Variants in GTSF1L observed in about 807,000 individuals in gnomAD.
The protein encoded by GTSF1L is gametocyte-specific factor 1-like.
GTSF1L carries 1 observed loss-of-function variant against 1.1 expected under a neutral mutation model. That is an observed-to-expected ratio of 0.90 (90% CI 0.32 to 4.28). The LOEUF (loss-of-function observed/expected upper bound fraction) is 4.28. GTSF1L is among the 30% of genes most tolerant of loss of function. The pLI, the probability that GTSF1L is intolerant of heterozygous loss-of-function variation, is 0.17. For synonymous variants in GTSF1L, 62 were observed against 69.3 expected (o/e 0.89, Z 0.53); for missense variants, 169 against 181.9 (o/e 0.93, Z 0.41).
At position 43,726,770 on chromosome 20, in the gene GTSF1L, G is replaced by C. The variant is rs562304082; in HGVS notation, c.-76C>G. ...TTCTTGTGGAGAAGCCCTTTTGTAA[G>C]AAGGATGGAGTTGTCCTCTGCCCAG... On this transcript the variant is annotated 5_prime_UTR_variant, in exon 1 of 1. Coordinates refer to ENST00000373003, the MANE Select transcript of GTSF1L (RefSeq NM_176791.4). The C allele has an allele frequency of 2.5e-5, 29 of 1,144,068 alleles. No homozygotes were observed. Among genetic ancestry groups the C allele is most frequent in the Admixed American group, 1.6e-4 (7 of 43,326 alleles). 70.9% of individuals were successfully genotyped at this position (1,144,068 alleles called of 1,614,324 possible).
chr20:43,726,266 G>T lies in GTSF1L; in HGVS notation c.429C>A (p.Ile143=), dbSNP rs1212489625. 1 of 1,612,086 alleles carries T rather than the reference G, an allele frequency of 6.2e-7. No individual in the cohort carries two copies. Among genetic ancestry groups the T allele is most frequent in the Non-Finnish European group, 8.5e-7 (1 of 1,178,636 alleles). ...ESARETSPQK[I]LRPGQ Reference sequence around the variant, plus strand: ...TGGCAGTTTACTGTCCTGGTCTGAGGATCTTCTGGGGACTGGTCTCTCTTG... The same window carrying T: ...TGGCAGTTTACTGTCCTGGTCTGAGTATCTTCTGGGGACTGGTCTCTCTTG... Residue 143 remains isoleucine (I), a synonymous_variant, in exon 1 of 1, where the codon ATC becomes ATA. Coordinates refer to ENST00000373003, the MANE Select transcript of GTSF1L (RefSeq NM_176791.4).
rs746591178 is a variant in GTSF1L, at chr20:43,726,373, C to T, written c.322G>A (p.Gly108Ser). The T allele has an allele frequency of 1.9e-6, 3 of 1,614,102 alleles. No homozygotes were observed. The change falls in exon 1 of 1, where the codon GGC becomes AGC. Residue 108 changes from glycine (G) to serine (S), a missense_variant. Coordinates refer to ENST00000373003, the MANE Select transcript of GTSF1L (RefSeq NM_176791.4). ...ACAAACACATGCTGGCAATTAGCGC[C>T]ATCGACATTCCAGATATCGGGGCTG... ...LPSPDIWNVD[G>S]ANCQHVFVLK... is the part of the protein sequence containing the mutation.
chr20:43,726,313 CACAA>C lies in GTSF1L; in HGVS notation c.378_381del (p.Cys127LysfsTer44), dbSNP rs759599942. ...CTTGCTGACTCTTTCGTGTCATTTT[CACAA>C]ACAACCTTTTGAGGAAAAAAAGTCT... On this transcript the variant is annotated frameshift_variant, in exon 1 of 1. Transcript: ENST00000373003. LOFTEE classifies it high-confidence loss of function. 2 of 1,614,168 alleles carry C rather than the reference CACAA, an allele frequency of 1.2e-6. No individual in the cohort carries two copies. The highest frequency in any genetic ancestry group is 1.1e-5 in the South Asian group (1 of 91,082).
rs144479925 is a variant in GTSF1L at position 43,726,370 on chromosome 20, C to T, written c.325G>A (p.Ala109Thr). Reference sequence around the variant, plus strand: ...AGGACAAACACATGCTGGCAATTAGCGCCATCGACATTCCAGATATCGGGG... The same window carrying T: ...AGGACAAACACATGCTGGCAATTAGTGCCATCGACATTCCAGATATCGGGG... ...PSPDIWNVDG[A>T]NCQHVFVLKT... The change falls in exon 1 of 1, where the codon GCT becomes ACT. Residue 109 changes from alanine to threonine, a missense_variant. Physicochemically the swap from Ala to Thr is moderately conservative, Grantham distance 58 (BLOSUM62 0). Transcript: ENST00000373003. 123 of 1,613,972 alleles carry T rather than the reference C, an allele frequency of 7.6e-5. No homozygotes were observed. In the African/African-American group the frequency reaches 1.1e-3, roughly 15 times the overall value.
In GTSF1L at chr20:43,726,748, TTGTGG is replaced by T; in HGVS notation, c.-59_-55del. The stretch of plus-strand genomic sequence containing the variant: ...TGCTAGAGTCTAACGGAAATGCTTC[TTGTGG>T]AGAAGCCCTTTTGTAAGAAGGATGG... On this transcript the variant is annotated 5_prime_UTR_variant, in exon 1 of 1. Coordinates refer to ENST00000373003, the MANE Select transcript of GTSF1L (RefSeq NM_176791.4). 3 of 1,343,836 alleles carry T rather than the reference TTGTGG, an allele frequency of 2.2e-6. No individual in the cohort carries two copies. The highest frequency in any genetic ancestry group is 3.1e-6 in the Non-Finnish European group (3 of 975,614). The allele number at this position is 1,343,836 out of a possible 1,614,324, so 83.2% of individuals were successfully genotyped here.
In GTSF1L at chr20:43,726,883, G is replaced by T; in HGVS notation, c.-189C>A. ...AGTGGTGGATTAGAAGAGAGATGAG[G>T]AGCTGCCAAAAGCAGCTACACAGAG... On this transcript the variant is annotated 5_prime_UTR_variant, in exon 1 of 1. Coordinates refer to ENST00000373003, the MANE Select transcript of GTSF1L (RefSeq NM_176791.4). 1.8e-6 allele frequency: 1 copy of T among 543,160 alleles called. No individual in the cohort carries two copies. Among genetic ancestry groups the T allele is most frequent in the Non-Finnish European group, 3.3e-6 (1 of 301,670 alleles). 33.6% of individuals were successfully genotyped at this position (543,160 alleles called of 1,614,324 possible).
At position 43,726,975 on chromosome 20, in the gene GTSF1L, G is replaced by A. The variant is rs1348967409; in HGVS notation, c.-281C>T. 1.9e-5 allele frequency: 6 copies of A among 319,184 alleles called. No homozygotes were observed. Among genetic ancestry groups the A allele is most frequent in the South Asian group, 7.3e-5 (1 of 13,748 alleles). 19.8% of individuals were successfully genotyped at this position (319,184 alleles called of 1,614,324 possible). A position where few individuals can be genotyped will look rare whatever the true frequency, so the allele number is the denominator to read the frequency against. On this transcript the variant is annotated 5_prime_UTR_variant, in exon 1 of 1. Transcript: ENST00000373003. ...ATGCAAGAGCCAAAAACCCACAGCC[G>A]CTTGACTCACGGATATACTATGATG...
In GTSF1L at chr20:43,726,303, G is replaced by A. The variant is rs755065790; in HGVS notation, c.392C>T (p.Thr131Met). Residue 131 changes from threonine to methionine, a missense_variant, in exon 1 of 1, where the codon ACG becomes ATG. Coordinates refer to ENST00000373003, the MANE Select transcript of GTSF1L (RefSeq NM_176791.4). ...ACTGGTCTCTCTTGCTGACTCTTTC[G>A]TGTCATTTTCACAAACAACCTTTTG... Reference protein sequence around the residue: ...FPQKVVCENDTKESARETSPQ... With the variant: ...FPQKVVCENDMKESARETSPQ... 1.4e-5 allele frequency: 22 copies of A among 1,613,948 alleles called. No individual in the cohort carries two copies. Among genetic ancestry groups the A allele is most frequent in the Non-Finnish European group, 1.7e-5 (20 of 1,180,016 alleles).
chr20:43,726,720 C>A lies in GTSF1L; in HGVS notation c.-26G>T. 1 of 1,494,654 alleles carries A rather than the reference C, an allele frequency of 6.7e-7. No homozygotes were observed. The allele number at this position is 1,494,654 out of a possible 1,614,324, so 92.6% of individuals were successfully genotyped here. A position where few individuals can be genotyped will look rare whatever the true frequency, so the allele number is the denominator to read the frequency against. On this transcript the variant is annotated 5_prime_UTR_variant, in exon 1 of 1. Transcript: ENST00000373003. ...GAGAAATTCTTGAAGCAGGGTATCTCACTGCTAGAGTCTAACGGAAATGCT... is the reference window on the plus strand; with the variant it reads ...GAGAAATTCTTGAAGCAGGGTATCTAACTGCTAGAGTCTAACGGAAATGCT...
chr20:43,726,954 A>G lies in GTSF1L; in HGVS notation c.-260T>C, dbSNP rs2068188613. On this transcript the variant is annotated 5_prime_UTR_variant, in exon 1 of 1. Transcript: ENST00000373003. ...CCCGAGACAGAACTATAGCAGATGC[A>G]AGAGCCAAAAACCCACAGCCGCTTG... The G allele has an allele frequency of 2.8e-6, 1 of 359,762 alleles. No individual in the cohort carries two copies. The highest frequency in any genetic ancestry group is 2.1e-5 in the African/African-American group (1 of 47,286). 22.3% of individuals were successfully genotyped at this position (359,762 alleles called of 1,614,324 possible). A position where few individuals can be genotyped will look rare whatever the true frequency, so the allele number is the denominator to read the frequency against.
At position 43,726,244 on chromosome 20, in the gene GTSF1L, C is replaced by A. The variant is rs748705849; in HGVS notation, c.*4G>T. The A allele has an allele frequency of 1.3e-6, 2 of 1,594,416 alleles. No homozygotes were observed. The highest frequency in any genetic ancestry group is 2.2e-5 in the South Asian group (2 of 89,414). ...AGGCGTGTGCTCCTTCCTCAGCTGGCAGTTTACTGTCCTGGTCTGAGGATC... is the reference window on the plus strand; with the variant it reads ...AGGCGTGTGCTCCTTCCTCAGCTGGAAGTTTACTGTCCTGGTCTGAGGATC... On this transcript the variant is annotated 3_prime_UTR_variant, in exon 1 of 1. Coordinates refer to ENST00000373003, the MANE Select transcript of GTSF1L (RefSeq NM_176791.4).
In GTSF1L at chr20:43,726,710, C is replaced by T. The variant is rs371460048; in HGVS notation, c.-16G>A. ...CTGGCTCCATGAGAAATTCTTGAAG[C>T]AGGGTATCTCACTGCTAGAGTCTAA... On this transcript the variant is annotated 5_prime_UTR_variant, in exon 1 of 1. Transcript: ENST00000373003. 1.6e-5 allele frequency: 25 copies of T among 1,526,566 alleles called. No individual in the cohort carries two copies. The African/African-American group carries it at 3.1e-4, about 19-fold the overall frequency. 94.6% of individuals were successfully genotyped at this position (1,526,566 alleles called of 1,614,324 possible).
In GTSF1L at chr20:43,726,338, A is replaced by C; in HGVS notation, c.357T>G (p.Thr119=). The C allele has an allele frequency of 6.2e-7, 1 of 1,614,196 alleles. No homozygotes were observed. The highest frequency in any genetic ancestry group is 8.5e-7 in the Non-Finnish European group (1 of 1,180,044). ...ANCQHVFVLK[T]FFPQKVVCEN... is the part of the protein sequence containing the mutation. Reference sequence around the variant, plus strand: ...CACAAACAACCTTTTGAGGAAAAAAAGTCTTAAGGACAAACACATGCTGGC... The same window carrying C: ...CACAAACAACCTTTTGAGGAAAAAACGTCTTAAGGACAAACACATGCTGGC... Residue 119 remains threonine (T), a synonymous_variant, in exon 1 of 1, where the codon ACT becomes ACG. Transcript: ENST00000373003.
At position 43,726,490 on chromosome 20, in the gene GTSF1L, C is replaced by T. The variant is rs142614817; in HGVS notation, c.205G>A (p.Val69Met). Residue 69 changes from valine (V) to methionine (M), a missense_variant, in exon 1 of 1, where the codon GTG (valine) becomes ATG (methionine). Physicochemically the swap from Val to Met is conservative, Grantham distance 21. Transcript: ENST00000373003. ...GGGTTCTCGGTGTCCTCTTCTTCCA[C>T]AGCGCTCCTGTTGACACAAACAGCC... ...HEAVCVNRSA[V>M]EEEDTENPLK... The T allele has an allele frequency of 1.9e-6, 3 of 1,614,062 alleles. No homozygotes were observed. Among genetic ancestry groups the T allele is most frequent in the East Asian group, 4.5e-5 (2 of 44,870 alleles).
Position 43,726,716 on chromosome 20 carries a change from A to G in GTSF1L, c.-22T>C. The stretch of plus-strand genomic sequence containing the variant: ...CCATGAGAAATTCTTGAAGCAGGGT[A>G]TCTCACTGCTAGAGTCTAACGGAAA... On this transcript the variant is annotated 5_prime_UTR_variant, in exon 1 of 1. Transcript: ENST00000373003. 6.7e-7 allele frequency: 1 copy of G among 1,490,446 alleles called. No homozygotes were observed. The highest frequency in any genetic ancestry group is 1.4e-5 in the African/African-American group (1 of 71,276). The allele number at this position is 1,490,446 out of a possible 1,614,324, so 92.3% of individuals were successfully genotyped here.
chr20:43,726,684 T>G lies in GTSF1L; in HGVS notation c.11A>C (p.Glu4Ala). The change falls in exon 1 of 1, where the codon GAA becomes GCA. Residue 4 changes from glutamate to alanine, a missense_variant. Coordinates refer to ENST00000373003, the MANE Select transcript of GTSF1L (RefSeq NM_176791.4). ...ATCATAAGGGCAAATTTCAAAGGCT[T>G]CTGGCTCCATGAGAAATTCTTGAAG... is the stretch of plus-strand genomic sequence containing the variant. MEP[E>A]AFEICPYDPH... 6.4e-7 allele frequency: 1 copy of G among 1,566,676 alleles called. No homozygotes were observed. The highest frequency in any genetic ancestry group is 8.6e-7 in the Non-Finnish European group (1 of 1,158,686).
chr20:43,726,888 G>T lies in GTSF1L; in HGVS notation c.-194C>A, dbSNP rs770492550. ...TGGATTAGAAGAGAGATGAGGAGCT[G>T]CCAAAAGCAGCTACACAGAGAACAG... On this transcript the variant is annotated 5_prime_UTR_variant, in exon 1 of 1. Coordinates refer to ENST00000373003, the MANE Select transcript of GTSF1L (RefSeq NM_176791.4). 2 of 531,300 alleles carry T rather than the reference G, an allele frequency of 3.8e-6. No individual in the cohort carries two copies. Among genetic ancestry groups the T allele is most frequent in the Middle Eastern group, 5.1e-4 (1 of 1,958 alleles). 32.9% of individuals were successfully genotyped at this position (531,300 alleles called of 1,614,324 possible). A position where few individuals can be genotyped will look rare whatever the true frequency, so the allele number is the denominator to read the frequency against.
rs769974255 is a variant in GTSF1L at position 43,726,665 on chromosome 20, A to T, written c.30T>A (p.Pro10=). Residue 10 remains proline, a synonymous_variant, in exon 1 of 1, where the codon CCT becomes CCA. Transcript: ENST00000373003. MEPEAFEIC[P]YDPHHRIPLS... ...GTGGGATTCGGTGGTGAGGATCATA[A>T]GGGCAAATTTCAAAGGCTTCTGGCT... 6.3e-7 allele frequency: 1 copy of T among 1,592,334 alleles called. No individual in the cohort carries two copies. Among genetic ancestry groups the T allele is most frequent in the East Asian group, 2.2e-5 (1 of 44,712 alleles).
rs2068183213 is a variant in GTSF1L at position 43,726,532 on chromosome 20, T to G, written c.163A>C (p.Asn55His). The change falls in exon 1 of 1, where the codon AAT becomes CAT. Residue 55 changes from asparagine (N) to histidine (H), a missense_variant. Coordinates refer to ENST00000373003, the MANE Select transcript of GTSF1L (RefSeq NM_176791.4). The stretch of plus-strand genomic sequence containing the variant: ...CAAACAGCCTCATGTTCCTCCAGAT[T>G]TTTGATGGGGACCACGTGGCAGGCG... The part of the protein sequence containing the change: ...YNACHVVPIK[N>H]LEEHEAVCVN... 4 of 1,613,896 alleles carry G rather than the reference T, an allele frequency of 2.5e-6. No homozygotes were observed. Among genetic ancestry groups the G allele is most frequent in the African/African-American group, 1.3e-5 (1 of 74,870 alleles).
Sources: gnomAD v4.1 joint callset for allele counts on GRCh38, gnomAD v4.1.1 for gene constraint, MANE v1.5 for transcripts, NCBI Gene and HGNC (gene_info 2026-07-23, HGNC 2026-07-21) for gene names.